ALMS1: variants seen among roughly 807,000 people sequenced by gnomAD.
ALMS1 encodes ALMS1 centrosome and basal body associated protein.
ALMS1 carries 271 observed loss-of-function variants against 352.2 expected under a neutral mutation model. The observed-to-expected ratio is 0.77, with a 90% CI of 0.70 to 0.85. The LOEUF (loss-of-function observed/expected upper bound fraction) is 0.85, where lower values mean the gene tolerates loss of function less well. Among genes scored for constraint, ALMS1 ranks in the 40% least tolerant of loss-of-function variants. The pLI, the probability that ALMS1 is intolerant of heterozygous loss-of-function variation, is 0.00. For synonymous variants in ALMS1, 1,865 were observed against 1,761.2 expected (o/e 1.06, Z -1.48); for missense variants, 5,445 against 4,870.7 (o/e 1.12, Z -3.51).
chr2:73,403,068 A>G lies in ALMS1; in HGVS notation c.325-5554A>G, dbSNP rs542508656. On this transcript the variant is annotated intron_variant, in intron 1 of 22. Transcript: ENST00000613296. ...TCTATTTATTTATTTTTGCTTTTGT[A>G]GCCTGAGCTTTTGTTGTGATATCCA... Among the ~76,000 whole-genome samples, 34 of 152,264 alleles carry G rather than the reference A, an allele frequency of 2.2e-4. 1 individual carries two copies. The highest frequency in any genetic ancestry group is 6.8e-3 in the Middle Eastern group (2 of 294).
rs530985565 is a variant in ALMS1, at chr2:73,573,044, A to G, written c.11167A>G (p.Lys3723Glu). 16 of 1,613,984 alleles carry G rather than the reference A, an allele frequency of 9.9e-6. No homozygotes were observed. The highest frequency in any genetic ancestry group is 1.7e-5 in the Admixed American group (1 of 59,976). The change falls in exon 16 of 23, where the codon AAA becomes GAA. Residue 3723 changes from lysine to glutamate, a missense_variant. Physicochemically the swap from Lys to Glu is moderately conservative, Grantham distance 56. Coordinates refer to ENST00000613296, the MANE Select transcript of ALMS1 (RefSeq NM_001378454.1). Reference sequence around the variant, plus strand: ...TAAATTTGATAAATATATTCTGAGTAAACAGCCAGGTTTTAATTATATAAG... The same window carrying G: ...TAAATTTGATAAATATATTCTGAGTGAACAGCCAGGTTTTAATTATATAAG... ...QIKFDKYILS[K>E]QPGFNYISNT... is the part of the protein sequence containing the mutation.
chr2:73,386,469 G>T (rs1298438939), intron 1 of ALMS1, among the ~76,000 whole-genome samples: 1 of 152,178 alleles, frequency 6.6e-6, no homozygotes, highest in Non-Finnish European at 1.5e-5. Flanking sequence ...CGTGAGAAAC[G>T]CTGAGAGAGG....
intron 12 of ALMS1, among the ~76,000 whole-genome samples, chr2:73,538,855 C>T (rs557313100): frequency 6.6e-6 from 1 of 152,262 alleles, no homozygotes. Flanking sequence ...CCTCCATTGC[C>T]GAGGCTTGAG....
chr2:73,400,800 T>G (rs1237537273), intron 1 of ALMS1, among the ~76,000 whole-genome samples: 1 of 152,200 alleles, frequency 6.6e-6, no homozygotes, highest in Non-Finnish European at 1.5e-5. Flanking sequence ...CTTTTTTCTT[T>G]TTTTTGAGAC....
At position 73,608,379 on chromosome 2, in the gene ALMS1, TGGGAGGTATA is replaced by T. The variant is rs1675865431; in HGVS notation, c.12363-89_12363-80del. ...CTGAGAGGGATGAGCTCCTGGAGAG[TGGGAGGTATA>T]GGGAGGGATGATGAGAGGAGATCTC... On this transcript the variant is annotated intron_variant, in intron 21 of 22. Transcript: ENST00000613296. The T allele has an allele frequency of 3.2e-6, 3 of 951,470 alleles. No homozygotes were observed. In the South Asian group the frequency reaches 3.9e-5, roughly 12 times the overall value. The allele number at this position is 951,470 out of a possible 1,614,324, so 58.9% of individuals were successfully genotyped here. A position where few individuals can be genotyped will look rare whatever the true frequency, so the allele number is the denominator to read the frequency against.
rs755630494 is a variant in ALMS1, at chr2:73,450,577, T to G, written c.4050T>G (p.His1350Gln). Residue 1350 changes from histidine to glutamine, a missense_variant, in exon 8 of 23, where the codon CAT becomes CAG. By Grantham distance (24) the His-to-Gln change is conservative. Transcript: ENST00000613296. ...TTTTCTACCAACAGGTCTTGCCACA[T>G]AGTCATCCAACTGAAGAGGCTCTGA... ...PGVFYQQVLP[H>Q]SHPTEEALKI... 6 of 1,611,614 alleles carry G rather than the reference T, an allele frequency of 3.7e-6. No homozygotes were observed. In the South Asian group the frequency reaches 6.6e-5, roughly 18 times the overall value.
At chr2:73,414,470 T>C in intron 2 of ALMS1, among the ~76,000 whole-genome samples, 1 of 109,350 alleles carries the variant, frequency 9.1e-6, no homozygotes, top group South Asian at 3.4e-4. Flanking sequence ...TTTCTTTTTT[T>C]CCGTTTTTTT....
At position 73,556,696 on chromosome 2, in the gene ALMS1, A is replaced by T. The variant is rs566676393; in HGVS notation, c.10079-524A>T. ...CCATCAAGGAACAGATTTTTTTTAGAATGTTTTTATTTTATTTTATTTTTT... is the reference window on the plus strand; with the variant it reads ...CCATCAAGGAACAGATTTTTTTTAGTATGTTTTTATTTTATTTTATTTTTT... On this transcript the variant is annotated intron_variant, in intron 13 of 22. Transcript: ENST00000613296. Among the ~76,000 whole-genome samples the T allele has an allele frequency of 1.4e-3, 200 of 145,104 alleles. 1 individual carries two copies. Among genetic ancestry groups the T allele is most frequent in the Non-Finnish European group, 2.4e-3 (156 of 66,080 alleles).
chr2:73,413,596 C>T (rs969475948), intron 2 of ALMS1, among the ~76,000 whole-genome samples: 4 of 152,158 alleles, frequency 2.6e-5, no homozygotes, highest in African/African-American at 9.7e-5. Context: ...TCTGACATTG[C>T]CAAATGTTCC....
rs1246528078 is a variant in ALMS1 at position 73,448,876 on chromosome 2, A to T, written c.2349A>T (p.Leu783=). ...CACAGGACTTAGCAGACAGTCATCT[A>T]CCTGAAGAGGGTCTGAAAGTTTCAG... The part of the protein sequence containing the change: ...LYPQDLADSH[L]PEEGLKVSAV... Residue 783 remains leucine (L), a synonymous_variant, in exon 8 of 23, where the codon CTA becomes CTT. Transcript: ENST00000613296. The T allele has an allele frequency of 6.2e-7, 1 of 1,613,970 alleles. No individual in the cohort carries two copies. The highest frequency in any genetic ancestry group is 1.7e-5 in the Admixed American group (1 of 60,000).
rs115444326 is a variant in ALMS1 at position 73,448,565 on chromosome 2, C to T, written c.2038C>T (p.Arg680Ter). 13 of 1,613,788 alleles carry T rather than the reference C, an allele frequency of 8.1e-6. No homozygotes were observed. The Admixed American group carries it at 1.0e-4, about 12-fold the overall frequency. The change falls in exon 8 of 23, where the codon CGA (arginine) becomes TGA (stop). Residue 680 changes from arginine (R) to a stop codon, truncating the protein, a stop_gained. Transcript: ENST00000613296. LOFTEE classifies it high-confidence loss of function. ...TGTAGAGGACCTCCTCTTTTTCTAT[C>T]GACAGACCTTGCCAGATGGTCATCT... ...SHVEDLLFFY[R>*]QTLPDGHLTD... is the part of the protein sequence containing the mutation.
At chr2:73,550,849 T>C (rs994764660) in intron 13 of ALMS1, among the ~76,000 whole-genome samples, 1 of 151,952 alleles carries the variant, frequency 6.6e-6, no homozygotes, top group South Asian at 2.1e-4. Context: ...TTTTTTTTTT[T>C]AATTTTTTTA....
chr2:73,386,411 C>T (rs1470188168), intron 1 of ALMS1, among the ~76,000 whole-genome samples: 1 of 152,114 alleles, frequency 6.6e-6, no homozygotes, highest in Non-Finnish European at 1.5e-5. Flanking sequence ...CTCGGTGGGT[C>T]CTGGGCCTTT....
chr2:73,489,549 G>T (rs1037545940), intron 9 of ALMS1, 85 bp from the exon 10 acceptor site: 1 of 1,474,152 alleles, frequency 6.8e-7, no homozygotes, highest in Non-Finnish European at 9.5e-7. Flanking sequence ...CTTAGCGTGG[G>T]TATAAAACTG....
At chr2:73,390,103 C>A (rs1670612684) in intron 1 of ALMS1, among the ~76,000 whole-genome samples, 1 of 151,904 alleles carries the variant, frequency 6.6e-6, no homozygotes, top group Non-Finnish European at 1.5e-5. Context: ...TTCTTATTTA[C>A]CTGAGAGAAT....
intron 1 of ALMS1, among the ~76,000 whole-genome samples, chr2:73,397,169 G>GTT (rs1424582627): frequency 3.3e-5 from 5 of 152,100 alleles, no homozygotes; most frequent in African/African-American, 1.2e-4. Flanking sequence ...AATTCTCAAA[G>GTT]TTGTCGCATT....
In ALMS1 at chr2:73,465,521, A is replaced by C. The variant is rs1254662383; in HGVS notation, c.7674+10226A>C. Among the ~76,000 whole-genome samples, 11 of 152,352 alleles carry C rather than the reference A, an allele frequency of 7.2e-5. No homozygotes were observed. In the East Asian group the frequency reaches 2.1e-3, roughly 29 times the overall value. On this transcript the variant is annotated intron_variant, in intron 9 of 22. Transcript: ENST00000613296. ...ATTAAAGACTTACATGTTAGTCCGA[A>C]AACTGTGAAAACCCTAGAAGAAAAC...
intron 11 of ALMS1, among the ~76,000 whole-genome samples, chr2:73,532,137 C>T (rs1241292256): frequency 5.9e-5 from 9 of 152,350 alleles, no homozygotes. Context: ...CTTGGAGCTG[C>T]TGTGACACAA....
chr2:73,438,360 A>G (rs1011851287), intron 7 of ALMS1, among the ~76,000 whole-genome samples: 17 of 152,356 alleles, frequency 1.1e-4, no homozygotes, highest in African/African-American at 3.8e-4. Context: ...ATGAGTCAAG[A>G]TAATTTACAT....
Sources: allele counts gnomAD v4.1 joint callset (sites outside exome capture counted in the v4.1 genomes callset), GRCh38; gene constraint gnomAD v4.1.1; transcripts MANE v1.5; gene names NCBI Gene and HGNC (gene_info 2026-07-23, HGNC 2026-07-21).